CXADR: variants seen among roughly 807,000 people sequenced by gnomAD.
CXADR encodes the protein coxsackievirus and adenovirus receptor.
Under a neutral mutation model 40.3 loss-of-function variants are expected in CXADR, and 20 were observed. That is an observed-to-expected ratio of 0.50 (90% CI 0.35 to 0.72). CXADR has a LOEUF of 0.72. CXADR is among the 30% of genes least tolerant of loss of function. CXADR has a pLI of 0.01. For synonymous variants in CXADR, 150 were observed against 161.3 expected, an observed-to-expected ratio of 0.93 and a Z score of 0.53; for missense variants, 332 against 449.1, an observed-to-expected ratio of 0.74 and a Z score of 2.36.
chr21:17,527,484 T>A (rs1228647619), intron 1 of CXADR, among the ~76,000 whole-genome samples: 1 of 152,216 alleles, frequency 6.6e-6, no homozygotes, highest in Non-Finnish European at 1.5e-5. Flanking sequence ...TAATATGTAC[T>A]TATGGGCAAG....
chr21:17,598,910 G>T, the CXADR span: 1 of 1,011,156 alleles, frequency 9.9e-7, no homozygotes, highest in Non-Finnish European at 1.4e-6. Context: ...ATCTGGACAT[G>T]CCATCAATAC....
At chr21:17,557,324 T>C (rs1260977502) in intron 3 of CXADR, among the ~76,000 whole-genome samples, 1 of 152,166 alleles carries the variant, frequency 6.6e-6, no homozygotes. Context: ...GAATACTCAA[T>C]TACTAAATGG....
In CXADR at chr21:17,570,093, A is replaced by G; in HGVS notation, c.*4401A>G. On this transcript the variant is annotated 3_prime_UTR_variant, in exon 7 of 7. Coordinates refer to ENST00000284878, the MANE Select transcript of CXADR (RefSeq NM_001338.5). ...TGTGTACTTTTGAAATAAAATCAAG[A>G]AAGCAGTTCTCTGCCTCATGGTGTG... The G allele has an allele frequency of 2.0e-6, 2 of 985,436 alleles. No homozygotes were observed. The highest frequency in any genetic ancestry group is 2.4e-6 in the Non-Finnish European group (2 of 829,928). The allele number at this position is 985,436 out of a possible 1,614,324, so 61.0% of individuals were successfully genotyped here.
At chr21:17,605,479 G>C in the CXADR span, among the ~76,000 whole-genome samples, 1 of 152,148 alleles carries the variant, frequency 6.6e-6, no homozygotes, top group African/African-American at 2.4e-5. Flanking sequence ...GGACACCCTT[G>C]CTTTACCTAT....
the CXADR span, among the ~76,000 whole-genome samples, chr21:17,628,506 CT>C: frequency 8.6e-4 from 126 of 146,100 alleles, no homozygotes; most frequent in Non-Finnish European, 7.1e-4. Context: ...TGTCCCAGTT[CT>C]TTTTTTTTTT....
At chr21:17,600,605 G>T in the CXADR span, among the ~76,000 whole-genome samples, 1 of 152,054 alleles carries the variant, frequency 6.6e-6, no homozygotes, top group Non-Finnish European at 1.5e-5. Flanking sequence ...CAGACTGCTT[G>T]AGCCCAGGAA....
the CXADR span, among the ~76,000 whole-genome samples, chr21:17,619,686 C>T: frequency 3.3e-5 from 5 of 151,944 alleles, no homozygotes; most frequent in East Asian, 5.8e-4. Flanking sequence ...GCCTAGATGG[C>T]GTCTGCTTCC....
At chr21:17,557,945 A>G (rs1446328073) in intron 3 of CXADR, among the ~76,000 whole-genome samples, 1 of 152,172 alleles carries the variant, frequency 6.6e-6, no homozygotes, top group Non-Finnish European at 1.5e-5. Context: ...TGTGAATATT[A>G]TACCTTATTA....
At chr21:17,594,456 A>G (rs2061477760), downstream of CXADR, 1 of 1,153,330 alleles carries the variant, frequency 8.7e-7, no homozygotes, top group East Asian at 2.5e-5. Flanking sequence ...TGACACTCCT[A>G]TTGTCAGGTC....
chr21:17,559,691 T>TTTC (rs67471532), intron 4 of CXADR, among the ~76,000 whole-genome samples: 1 of 128,432 alleles, frequency 7.8e-6, no homozygotes, highest in Non-Finnish European at 1.6e-5. Flanking sequence ...TTTTTTTTTT[T>TTTC]CCGAGACAAG....
the CXADR span, chr21:17,598,791 G>A: frequency 6.2e-7 from 1 of 1,613,864 alleles, no homozygotes; most frequent in Non-Finnish European, 8.5e-7. Context: ...TTTCAAAGCT[G>A]GCAACAATGA....
At chr21:17,607,984 T>C in the CXADR span, among the ~76,000 whole-genome samples, 1 of 152,346 alleles carries the variant, frequency 6.6e-6, no homozygotes, top group South Asian at 2.1e-4. Context: ...AAGTGAGAAT[T>C]ACCTTCGTTC....
At chr21:17,546,736 C>G (rs75300112) in intron 1 of CXADR, among the ~76,000 whole-genome samples, 3,828 of 152,266 alleles carry the variant, frequency 0.025, 172 homozygotes, top group African/African-American at 0.088. Context: ...TTTTAAACAT[C>G]TGCTTGCATA....
the CXADR span, among the ~76,000 whole-genome samples, chr21:17,601,060 G>A: frequency 2.0e-5 from 3 of 152,156 alleles, no homozygotes; most frequent in Non-Finnish European, 2.9e-5. Context: ...CTACTCGGGA[G>A]GCTGAGGCAG....
Position 17,568,994 on chromosome 21 carries a change from A to G in CXADR, c.*3302A>G, listed in dbSNP as rs2061250926. On this transcript the variant is annotated 3_prime_UTR_variant, in exon 7 of 7. Coordinates refer to ENST00000284878, the MANE Select transcript of CXADR (RefSeq NM_001338.5). The stretch of plus-strand genomic sequence containing the variant: ...GAGATACCTGATTTTTATTAAAAAG[A>G]TACTTTTTCAAATTTAAGAGTTAAT... 1.0e-6 allele frequency: 1 copy of G among 983,820 alleles called. No individual in the cohort carries two copies. The highest frequency in any genetic ancestry group is 1.2e-6 in the Non-Finnish European group (1 of 828,474). 60.9% of individuals were successfully genotyped at this position (983,820 alleles called of 1,614,324 possible).
chr21:17,521,352 T>C (rs2060527897), intron 1 of CXADR, among the ~76,000 whole-genome samples: 1 of 152,132 alleles, frequency 6.6e-6, no homozygotes. Flanking sequence ...AGACGGAGTC[T>C]TGTTCTGTTA....
downstream of CXADR, among the ~76,000 whole-genome samples, chr21:17,594,981 T>A (rs1049587601): frequency 6.6e-6 from 1 of 150,476 alleles, no homozygotes; most frequent in Non-Finnish European, 1.5e-5. Context: ...TTCATGTGTA[T>A]CCCTAAACCT....
chr21:17,557,468 G>A (rs2061051346), intron 3 of CXADR, among the ~76,000 whole-genome samples: 1 of 152,080 alleles, frequency 6.6e-6, no homozygotes. Flanking sequence ...CTTGTCCAGT[G>A]GCATTCCGTG....
the CXADR span, among the ~76,000 whole-genome samples, chr21:17,618,592 C>T: frequency 6.6e-6 from 1 of 151,972 alleles, no homozygotes; most frequent in Non-Finnish European, 1.5e-5. Flanking sequence ...GGCTGGAGTG[C>T]AATGACACAA....
Sources: allele counts gnomAD v4.1 joint callset (sites outside exome capture counted in the v4.1 genomes callset), GRCh38; gene constraint gnomAD v4.1.1; transcripts MANE v1.5; gene names NCBI Gene and HGNC (gene_info 2026-07-23, HGNC 2026-07-21).